The following COL4A1 variants were observed in gnomAD, a reference collection of about 807,000 sequenced individuals.
The protein encoded by COL4A1 is collagen type IV alpha 1 chain.
COL4A1 carries 40 observed loss-of-function variants against 216.6 expected under a neutral mutation model. The observed-to-expected ratio is 0.18, with a 90% CI of 0.14 to 0.24. The LOEUF (loss-of-function observed/expected upper bound fraction) is 0.24. Among genes scored for constraint, COL4A1 ranks in the 10% least tolerant of loss-of-function variants. The pLI is 1.00. For missense variants in COL4A1, 1,628 were observed against 2,196.8 expected, an observed-to-expected ratio of 0.74 and a Z score of 5.18; for synonymous variants, 839 against 810.7, an observed-to-expected ratio of 1.03 and a Z score of -0.59.
At chr13:110,295,811 T>C (rs2139317225) in intron 1 of COL4A1, among the ~76,000 whole-genome samples, 1 of 152,332 alleles carries the variant, frequency 6.6e-6, no homozygotes, top group African/African-American at 2.4e-5. Context: ...AAGCCCCACC[T>C]CTGGAGCCCC....
At chr13:110,206,810 C>T (rs1174262321) in intron 14 of COL4A1, 55 bp downstream of exon 14, 5 of 1,611,890 alleles carry the variant, frequency 3.1e-6, no homozygotes, top group Non-Finnish European at 8.5e-7. Flanking sequence ...AAACTTGAAA[C>T]TTAAATCTTT....
chr13:110,200,202 C>T (rs1207678062), intron 20 of COL4A1, among the ~76,000 whole-genome samples: 1 of 152,234 alleles, frequency 6.6e-6, no homozygotes, highest in Non-Finnish European at 1.5e-5. Flanking sequence ...AGCTCTGGGA[C>T]CTGGGAGAAT....
chr13:110,276,646 A>G (rs1883442117), intron 1 of COL4A1, among the ~76,000 whole-genome samples: 1 of 152,202 alleles, frequency 6.6e-6, no homozygotes, highest in Non-Finnish European at 1.5e-5. Flanking sequence ...TGTAGGCAAA[A>G]TAACATTCAA....
chr13:110,219,870 G>GTATATATATGTGTGTATATATATGTA (rs112601949), intron 2 of COL4A1, among the ~76,000 whole-genome samples: 1 of 103,510 alleles, frequency 9.7e-6, no homozygotes, highest in Non-Finnish European at 2.0e-5. Context: ...ATATGTGTGT[G>GTATATATATGTGTGTATATATATGTA]TATATATGTA....
At chr13:110,289,898 G>A (rs1884016464) in intron 1 of COL4A1, among the ~76,000 whole-genome samples, 1 of 152,176 alleles carries the variant, frequency 6.6e-6, no homozygotes, top group Admixed American at 6.5e-5. Flanking sequence ...CCCAGAGACG[G>A]AATGAGGGTC....
At chr13:110,256,494 G>A (rs1285117707) in intron 1 of COL4A1, among the ~76,000 whole-genome samples, 1 of 152,198 alleles carries the variant, frequency 6.6e-6, no homozygotes, top group East Asian at 1.9e-4. Flanking sequence ...GGACCTCAGA[G>A]CCCAGAACCA....
intron 17 of COL4A1, 130 bp from the exon 18 acceptor site, chr13:110,203,737 A>C: frequency 1.0e-6 from 1 of 985,262 alleles, no homozygotes; most frequent in Non-Finnish European, 1.6e-6. Context: ...TTCTCTCTTT[A>C]ATATCTCTCA....
chr13:110,291,850 AC>A (rs1884102326), intron 1 of COL4A1, among the ~76,000 whole-genome samples: 1 of 152,188 alleles, frequency 6.6e-6, no homozygotes. Flanking sequence ...TTCTAGCATG[AC>A]CTTGACAACC....
chr13:110,152,495 A>G lies in COL4A1; in HGVS notation c.4767T>C (p.Ala1589=). 6.2e-7 allele frequency: 1 copy of G among 1,612,322 alleles called. No individual in the cohort carries two copies. Among genetic ancestry groups the G allele is most frequent in the South Asian group, 1.1e-5 (1 of 90,924 alleles). ...GGGCTTGGCCAGAGCCTTCTGCACC[A>G]GCGCTGGTGTGCTGCAGAACAGATG... ...IGYSFVMHTS[A]GAEGSGQALA... Residue 1589 remains alanine (A), a synonymous_variant, in exon 51 of 52, where the codon GCT becomes GCC. Coordinates refer to ENST00000375820, the MANE Select transcript of COL4A1 (RefSeq NM_001845.6).
rs1343331340 is a variant in COL4A1 at position 110,192,264 on chromosome 13, C to T, written c.1486G>A (p.Ala496Thr). Residue 496 changes from alanine (A) to threonine (T), a missense_variant, in exon 24 of 52, where the codon GCC becomes ACC. Around this residue, in one of 8 missense-constraint regions of COL4A1, gnomAD observed 701 missense variants for 892.5 expected, o/e 0.79. Coordinates refer to ENST00000375820, the MANE Select transcript of COL4A1 (RefSeq NM_001845.6). ...CCAGGCAAACCTCTGTCGCCCTTGG[C>T]CCCTGGCTGCCCTGGGAAACCTTTC... ...GEIGFPGQPG[A>T]KGDRGLPGRD... The T allele has an allele frequency of 1.2e-6, 2 of 1,614,060 alleles. No individual in the cohort carries two copies. Among genetic ancestry groups the T allele is most frequent in the African/African-American group, 1.3e-5 (1 of 74,922 alleles).
chr13:110,159,527 T>TG (rs1386005303), intron 49 of COL4A1, among the ~76,000 whole-genome samples: 2 of 152,192 alleles, frequency 1.3e-5, no homozygotes, highest in Non-Finnish European at 2.9e-5. Context: ...GTGGCCACTG[T>TG]GGAAAACAGC....
chr13:110,295,191 A>G (rs1459462511), intron 1 of COL4A1, among the ~76,000 whole-genome samples: 1 of 151,894 alleles, frequency 6.6e-6, no homozygotes, highest in Non-Finnish European at 1.5e-5. Flanking sequence ...ATGGATAAAC[A>G]TCCTCAATCT....
At chr13:110,243,948 A>G (rs1450867273) in intron 1 of COL4A1, among the ~76,000 whole-genome samples, 1 of 152,250 alleles carries the variant, frequency 6.6e-6, no homozygotes, top group Non-Finnish European at 1.5e-5. Context: ...ACGCACTTGC[A>G]ATTTCCTTAG....
At chr13:110,257,889 T>G (rs1882648955) in intron 1 of COL4A1, among the ~76,000 whole-genome samples, 1 of 152,190 alleles carries the variant, frequency 6.6e-6, no homozygotes, top group Admixed American at 6.5e-5. Context: ...TTTAGCAGCC[T>G]TAAACCATTC....
At chr13:110,257,791 T>C (rs1350098834) in intron 1 of COL4A1, among the ~76,000 whole-genome samples, 1 of 152,230 alleles carries the variant, frequency 6.6e-6, no homozygotes, top group African/African-American at 2.4e-5. Context: ...ATGGTCTAAT[T>C]AATTGACAAG....
chr13:110,251,501 C>G (rs1447715924), intron 1 of COL4A1, among the ~76,000 whole-genome samples: 1 of 152,248 alleles, frequency 6.6e-6, no homozygotes, highest in Non-Finnish European at 1.5e-5. Context: ...CAGGCACCCC[C>G]CAGTGCTAAG....
chr13:110,303,566 G>A (rs554818562), intron 1 of COL4A1, among the ~76,000 whole-genome samples: 60 of 152,204 alleles, frequency 3.9e-4, no homozygotes, highest in Non-Finnish European at 7.1e-4. Flanking sequence ...TCTGTGTATA[G>A]TACACCATCA....
Position 110,150,056 on chromosome 13 carries a change from C to T in COL4A1, c.*307G>A. On this transcript the variant is annotated 3_prime_UTR_variant, in exon 52 of 52. Coordinates refer to ENST00000375820, the MANE Select transcript of COL4A1 (RefSeq NM_001845.6). ...GAAGGCACCCACACCTCCTAGCACC[C>T]TTTGGTTTTCTGATGGAGTTCTCAC... is the stretch of plus-strand genomic sequence containing the variant. The T allele has an allele frequency of 2.4e-6, 1 of 420,318 alleles. No homozygotes were observed. The highest frequency in any genetic ancestry group is 2.0e-5 in the African/African-American group (1 of 49,244). The allele number at this position is 420,318 out of a possible 1,614,324, so 26.0% of individuals were successfully genotyped here.
At chr13:110,302,225 C>T (rs1350151795) in intron 1 of COL4A1, among the ~76,000 whole-genome samples, 1 of 152,194 alleles carries the variant, frequency 6.6e-6, no homozygotes, top group Non-Finnish European at 1.5e-5. Context: ...TACCCAGAAA[C>T]ATCAGAGGGC....
Sources: allele counts gnomAD v4.1 joint callset (sites outside exome capture counted in the v4.1 genomes callset), GRCh38; gene constraint gnomAD v4.1.1; regional missense constraint gnomAD v4.1.1; transcripts MANE v1.5; gene names NCBI Gene and HGNC (gene_info 2026-07-23, HGNC 2026-07-21).